The following BICC1 variants were observed in gnomAD, a reference collection of about 807,000 sequenced individuals.
BICC1 encodes the protein BicC family RNA binding protein 1.
Under a neutral mutation model 111.0 loss-of-function variants are expected in BICC1, and 43 were observed. That is an observed-to-expected ratio of 0.39 (90% CI 0.30 to 0.50). The LOEUF (loss-of-function observed/expected upper bound fraction) is 0.50, where lower values mean the gene tolerates loss of function less well. Ranked by LOEUF, BICC1 falls within the 20% of genes least tolerant of loss-of-function variation. The pLI, the probability that BICC1 is intolerant of heterozygous loss-of-function variation, is 0.88. For missense variants in BICC1, 1,091 were observed against 1,203.2 expected (o/e 0.91, Z 1.38); for synonymous variants, 467 against 434.4 (o/e 1.07, Z -0.93).
chr10:58,748,105 T>G (rs1028924631), intron 3 of BICC1, among the ~76,000 whole-genome samples: 3 of 152,154 alleles, frequency 2.0e-5, no homozygotes, highest in African/African-American at 4.8e-5. Flanking sequence ...TTTAATAGTT[T>G]ATAACGTAGC....
At chr10:58,562,209 T>C (rs781613269) in intron 1 of BICC1, among the ~76,000 whole-genome samples, 2 of 152,156 alleles carry the variant, frequency 1.3e-5, no homozygotes, top group African/African-American at 2.4e-5. Context: ...CCTTTTTCCA[T>C]CTCTTTGTTG....
At chr10:58,540,621 A>T (rs1275281676) in intron 1 of BICC1, among the ~76,000 whole-genome samples, 1 of 152,024 alleles carries the variant, frequency 6.6e-6, no homozygotes, top group Non-Finnish European at 1.5e-5. Flanking sequence ...CAGCAATCAG[A>T]AGCCTCCTGA....
intron 3 of BICC1, among the ~76,000 whole-genome samples, chr10:58,743,375 A>G (rs1017699665): frequency 2.6e-5 from 4 of 151,868 alleles, no homozygotes; most frequent in African/African-American, 4.8e-5. Flanking sequence ...AACTTGAGCT[A>G]TAGAATGGCA....
chr10:58,773,831 G>C (rs1842680656), intron 3 of BICC1, among the ~76,000 whole-genome samples: 1 of 152,158 alleles, frequency 6.6e-6, no homozygotes, highest in South Asian at 2.1e-4. Flanking sequence ...GGTTTTTATT[G>C]CTTAACGTTA....
chr10:58,513,485 G>A (rs1842154524), intron 1 of BICC1, 152 bp downstream of exon 1: 1 of 712,384 alleles, frequency 1.4e-6, no homozygotes, highest in African/African-American at 1.9e-5. Flanking sequence ...GGACACCCAG[G>A]GACTGGAGAC....
chr10:58,533,158 AGTT>A (rs1842726231), intron 1 of BICC1, among the ~76,000 whole-genome samples: 1 of 151,878 alleles, frequency 6.6e-6, no homozygotes, highest in Non-Finnish European at 1.5e-5. Context: ...TTCATCAGCG[AGTT>A]GTTCTCTGCC....
intron 3 of BICC1, among the ~76,000 whole-genome samples, chr10:58,778,578 C>T (rs1842806783): frequency 1.3e-5 from 2 of 152,126 alleles, no homozygotes; most frequent in Admixed American, 6.5e-5. Flanking sequence ...TCATCCACAT[C>T]GTCTTCACAT....
chr10:58,680,986 C>G (rs1333854349), intron 2 of BICC1, among the ~76,000 whole-genome samples: 1 of 152,208 alleles, frequency 6.6e-6, no homozygotes, highest in Non-Finnish European at 1.5e-5. Context: ...AAAATTGAAA[C>G]TGGACCCCTT....
At position 58,803,282 on chromosome 10, in the gene BICC1, T is replaced by C. The variant is rs924849577; in HGVS notation, c.2181+40T>C. On this transcript the variant is annotated intron_variant, in intron 15 of 20. Transcript: ENST00000373886. Reference sequence around the variant, plus strand: ...ATAGGAAAGCCACTCAAATGTCATATGTTTGGGTTCTGGTATGGAGAATTC... The same window carrying C: ...ATAGGAAAGCCACTCAAATGTCATACGTTTGGGTTCTGGTATGGAGAATTC... The C allele has an allele frequency of 1.1e-4, 163 of 1,537,778 alleles. 1 individual carries two copies. The highest frequency in any genetic ancestry group is 1.4e-4 in the Non-Finnish European group (157 of 1,137,466).
At chr10:58,651,157 G>A (rs1285937389) in intron 2 of BICC1, among the ~76,000 whole-genome samples, 1 of 152,152 alleles carries the variant, frequency 6.6e-6, no homozygotes, top group Non-Finnish European at 1.5e-5. Flanking sequence ...CTGGAAGTTG[G>A]AGTAAAGCCA....
chr10:58,793,690 T>C, intron 9 of BICC1, 75 bp downstream of exon 9: 1 of 1,477,082 alleles, frequency 6.8e-7, no homozygotes. Context: ...CATAGAAGTA[T>C]TTATTTGCAT....
At chr10:58,818,447 G>T (rs2132961731) in intron 19 of BICC1, among the ~76,000 whole-genome samples, 1 of 152,216 alleles carries the variant, frequency 6.6e-6, no homozygotes, top group Admixed American at 6.5e-5. Context: ...TTCAAATCAA[G>T]ACATGGTCCA....
At chr10:58,552,637 C>G (rs1016925121) in intron 1 of BICC1, among the ~76,000 whole-genome samples, 1 of 152,042 alleles carries the variant, frequency 6.6e-6, no homozygotes, top group African/African-American at 2.4e-5. Flanking sequence ...TTAAACACAC[C>G]GTAGTGAACT....
rs575003697 is a variant in BICC1 at position 58,561,927 on chromosome 10, C to G, written c.190+48594C>G. Among the ~76,000 whole-genome samples the G allele has an allele frequency of 1.2e-4, 18 of 152,188 alleles. 1 individual carries two copies. The South Asian group carries it at 3.3e-3, about 28-fold the overall frequency. On this transcript the variant is annotated intron_variant, in intron 1 of 20. Coordinates refer to ENST00000373886, the MANE Select transcript of BICC1 (RefSeq NM_001080512.3). ...TTCTTTGCTGGCAGTTTTCTTTCAGCATTTTGAATATATAATACCATTTTC... is the reference window on the plus strand; with the variant it reads ...TTCTTTGCTGGCAGTTTTCTTTCAGGATTTTGAATATATAATACCATTTTC...
chr10:58,612,241 C>G (rs991777588), intron 1 of BICC1, among the ~76,000 whole-genome samples: 1 of 152,168 alleles, frequency 6.6e-6, no homozygotes, highest in Non-Finnish European at 1.5e-5. Flanking sequence ...AGTTGGCTCT[C>G]AGAGCTTTGC....
intron 1 of BICC1, among the ~76,000 whole-genome samples, chr10:58,584,703 T>C (rs1470213221): frequency 6.6e-6 from 1 of 152,066 alleles, no homozygotes; most frequent in Non-Finnish European, 1.5e-5. Context: ...ACTGAAGGGG[T>C]TTCCAAAGAC....
At chr10:58,526,586 A>G (rs1431681749) in intron 1 of BICC1, among the ~76,000 whole-genome samples, 1 of 148,684 alleles carries the variant, frequency 6.7e-6, no homozygotes, top group Non-Finnish European at 1.5e-5. Context: ...TGCTCCCCCC[A>G]CCCCACGACA....
chr10:58,828,443 C>T (rs949902935), intron 20 of BICC1, among the ~76,000 whole-genome samples: 4 of 152,100 alleles, frequency 2.6e-5, no homozygotes, highest in Admixed American at 1.3e-4. Flanking sequence ...TTGGTTAGAG[C>T]GTTCTGAGAA....
intron 14 of BICC1, among the ~76,000 whole-genome samples, chr10:58,801,666 C>T (rs969446584): frequency 6.6e-6 from 1 of 152,074 alleles, no homozygotes; most frequent in African/African-American, 2.4e-5. Context: ...ATTCCGTCCA[C>T]CTGATTTCCT....
Sources: gnomAD v4.1 joint callset for allele counts (sites outside exome capture counted in the v4.1 genomes callset) on GRCh38, gnomAD v4.1.1 for gene constraint, MANE v1.5 for transcripts, NCBI Gene and HGNC (gene_info 2026-07-23, HGNC 2026-07-21) for gene names.